ZNF469: variants seen among roughly 807,000 people sequenced by gnomAD.
ZNF469 encodes zinc finger protein 469.
Under a neutral mutation model 1.0 loss-of-function variants are expected in ZNF469, and 1 was observed. The ratio of observed to expected loss-of-function variants is 1.00; its 90% CI spans 0.35 to 4.73. ZNF469 has a LOEUF of 4.73. Among genes scored for constraint, ZNF469 ranks in the 30% most tolerant of loss-of-function variants. The pLI, the probability that ZNF469 is intolerant of heterozygous loss-of-function variation, is 0.16. For missense variants in ZNF469, 6,100 were observed against 5,356.3 expected, an observed-to-expected ratio of 1.14 and a Z score of -4.33; for synonymous variants, 2,703 against 2,363.4, an observed-to-expected ratio of 1.14 and a Z score of -4.17.
rs1167608695 is a variant in ZNF469 at position 88,424,485 on chromosome 16, G to A, written c.-191-322G>A. ...TTCTCACTGCAACTCGTAATAATCT[G>A]GAGCTTCGGAGCTGCATGTACACAC... is the stretch of plus-strand genomic sequence containing the variant. On this transcript the variant is annotated intron_variant, in intron 1 of 2. Transcript: ENST00000565624. This position sits in a 1 kb window ranked among gnomAD's most constrained non-coding sequence, Gnocchi z 4.3. Among the ~76,000 whole-genome samples the A allele has an allele frequency of 6.6e-6, 1 of 152,166 alleles. No individual in the cohort carries two copies. The highest frequency in any genetic ancestry group is 1.5e-5 in the Non-Finnish European group (1 of 68,026).
chr16:88,257,502 G>C, the ZNF469 span, among the ~76,000 whole-genome samples: 2 of 152,152 alleles, frequency 1.3e-5, no homozygotes, highest in Admixed American at 1.3e-4. Flanking sequence ...CAGAGCAGAA[G>C]TTTTCGTTTT....
At chr16:88,135,748 G>GTTTTTTTTTTTT in the ZNF469 span, among the ~76,000 whole-genome samples, 1 of 66,926 alleles carries the variant, frequency 1.5e-5, no homozygotes, top group African/African-American at 4.9e-5. Context: ...AGCTGGCCAT[G>GTTTTTTTTTTTT]TTTTTTTTTT....
rs568798634 is a variant in ZNF469, at chr16:88,422,195, C to A, written c.-191-2612C>A. Among the ~76,000 whole-genome samples the A allele has an allele frequency of 3.0e-4, 32 of 107,972 alleles. 1 individual carries two copies. In the South Asian group the frequency reaches 4.7e-3, roughly 16 times the overall value. 70.8% of individuals were successfully genotyped at this position (107,972 alleles called of 152,430 possible). A position where few individuals can be genotyped will look rare whatever the true frequency, so the allele number is the denominator to read the frequency against. On this transcript the variant is annotated intron_variant, in intron 1 of 2. Transcript: ENST00000565624. Reference sequence around the variant, plus strand: ...GGGCAGGAGGATGGGGGGACGGGCACGTGGATGGATGCATGGGTGAGTGGG... The same window carrying A: ...GGGCAGGAGGATGGGGGGACGGGCAAGTGGATGGATGCATGGGTGAGTGGG...
At chr16:88,330,376 G>A in the ZNF469 span, among the ~76,000 whole-genome samples, 2 of 152,350 alleles carry the variant, frequency 1.3e-5, no homozygotes, top group South Asian at 4.1e-4. Context: ...GTGGGGCATT[G>A]GTGCCATAGC....
At chr16:88,130,322 G>C in the ZNF469 span, among the ~76,000 whole-genome samples, 1 of 152,148 alleles carries the variant, frequency 6.6e-6, no homozygotes, top group African/African-American at 2.4e-5. Flanking sequence ...GGTATAGTCA[G>C]TTCTGCCAAA....
upstream of ZNF469, among the ~76,000 whole-genome samples, chr16:88,378,416 C>T (rs1399597572): frequency 6.6e-6 from 1 of 152,308 alleles, no homozygotes; most frequent in East Asian, 1.9e-4. Context: ...GGAGAGGCCC[C>T]GTGATCGCTG....
the ZNF469 span, among the ~76,000 whole-genome samples, chr16:88,293,289 C>T: frequency 2.7e-5 from 4 of 146,226 alleles, no homozygotes; most frequent in African/African-American, 7.8e-5. Flanking sequence ...TGGGTGGACA[C>T]GTGAGTGAAT....
chr16:88,180,162 C>A, the ZNF469 span, among the ~76,000 whole-genome samples: 139,154 of 152,272 alleles, frequency 0.91, 63,703 homozygotes, highest in Middle Eastern at 0.95. Flanking sequence ...GGAAGAAAAA[C>A]GGAAAAATTA....
the ZNF469 span, among the ~76,000 whole-genome samples, chr16:88,112,041 T>C: frequency 1.3e-5 from 2 of 152,224 alleles, no homozygotes; most frequent in African/African-American, 2.4e-5. Flanking sequence ...TGTGGCTGAA[T>C]AGTACTACGT....
chr16:88,391,453 C>T (rs963870462), intron 1 of ZNF469, among the ~76,000 whole-genome samples: 4 of 152,242 alleles, frequency 2.6e-5, no homozygotes, highest in Admixed American at 2.0e-4. Context: ...GAATTCAGGG[C>T]CATCGTTTTG....
At position 88,433,531 on chromosome 16, in the gene ZNF469, A is replaced by G. The variant is rs1288779887; in HGVS notation, c.6061A>G (p.Ser2021Gly). Residue 2021 changes from serine (S) to glycine (G), a missense_variant, in exon 3 of 3, where the codon AGT becomes GGT. By Grantham distance (56) the Ser-to-Gly change is moderately conservative. Coordinates refer to ENST00000565624, the MANE Select transcript of ZNF469 (RefSeq NM_001367624.2). ...GGACAACCACGCCTCAGTCAATGCC[A>G]GTCCCAAAACAGCGCTGACCGGCCC... ...GTDNHASVNA[S>G]PKTALTGPTE... 1 of 1,550,218 alleles carries G rather than the reference A, an allele frequency of 6.5e-7. No individual in the cohort carries two copies. Among genetic ancestry groups the G allele is most frequent in the Admixed American group, 2.0e-5 (1 of 50,982 alleles).
the ZNF469 span, among the ~76,000 whole-genome samples, chr16:88,269,829 G>C: frequency 6.6e-6 from 1 of 152,108 alleles, no homozygotes. Flanking sequence ...AGGTGGTCAG[G>C]AGTGTCCCCA....
At chr16:88,401,948 ATGGGAAGATGGATGGG>A in intron 1 of ZNF469, among the ~76,000 whole-genome samples, 1 of 22,012 alleles carries the variant, frequency 4.5e-5, no homozygotes, top group East Asian at 7.2e-4. Flanking sequence ...ACGTGGGTGG[ATGGGAAGATGGATGGG>A]TGGATGGATA....
the ZNF469 span, among the ~76,000 whole-genome samples, chr16:88,290,027 T>C: frequency 6.6e-6 from 1 of 152,228 alleles, no homozygotes; most frequent in Non-Finnish European, 1.5e-5. Flanking sequence ...AAGATGTTTG[T>C]TCCCAAGTCA....
the ZNF469 span, among the ~76,000 whole-genome samples, chr16:88,279,344 C>T: frequency 2.9e-3 from 437 of 149,930 alleles, 10 homozygotes; most frequent in African/African-American, 0.01. Context: ...TATCAGTGCA[C>T]GGTTAGTGCT....
the ZNF469 span, among the ~76,000 whole-genome samples, chr16:88,289,358 G>C: frequency 6.6e-6 from 1 of 150,400 alleles, no homozygotes; most frequent in African/African-American, 2.5e-5. Flanking sequence ...GTGTTGATGA[G>C]GGTGATGATG....
At chr16:88,173,481 T>C in the ZNF469 span, among the ~76,000 whole-genome samples, 1 of 152,184 alleles carries the variant, frequency 6.6e-6, no homozygotes. Flanking sequence ...TGTTAAAGGC[T>C]TCCTTCAACA....
At chr16:88,293,670 G>T in the ZNF469 span, among the ~76,000 whole-genome samples, 2 of 152,098 alleles carry the variant, frequency 1.3e-5, no homozygotes, top group African/African-American at 4.8e-5. Context: ...TTCATTGGGG[G>T]GTGTATTTTC....
At chr16:88,346,049 C>T in the ZNF469 span, among the ~76,000 whole-genome samples, 1 of 152,234 alleles carries the variant, frequency 6.6e-6, no homozygotes, top group Non-Finnish European at 1.5e-5. Flanking sequence ...AGGCTGTGAG[C>T]ACACCACTCA....
Sources: gnomAD v4.1 joint callset for allele counts (sites outside exome capture counted in the v4.1 genomes callset) on GRCh38, gnomAD v4.1.1 for gene constraint, Gnocchi (gnomAD v3.1) non-coding constraint, MANE v1.5 for transcripts, NCBI Gene and HGNC (gene_info 2026-07-23, HGNC 2026-07-21) for gene names.